Variants in GUCY1A2 observed in about 807,000 individuals in gnomAD.
GUCY1A2 encodes guanylate cyclase soluble subunit alpha-2.
GUCY1A2 carries 27 observed loss-of-function variants against 63.5 expected under a neutral mutation model. The ratio of observed to expected loss-of-function variants is 0.43; its 90% CI spans 0.31 to 0.59. The LOEUF (loss-of-function observed/expected upper bound fraction) is 0.59, where lower values mean the gene tolerates loss of function less well. GUCY1A2 is among the 20% of genes least tolerant of loss of function. The pLI, the probability that GUCY1A2 is intolerant of heterozygous loss-of-function variation, is 0.11. For synonymous variants in GUCY1A2, 364 were observed against 343.5 expected (o/e 1.06, Z -0.66); for missense variants, 768 against 913.3 (o/e 0.84, Z 2.05).
intron 3 of GUCY1A2, among the ~76,000 whole-genome samples, chr11:106,969,773 C>G (rs971445972): frequency 6.6e-6 from 1 of 152,038 alleles, no homozygotes; most frequent in East Asian, 1.9e-4. Flanking sequence ...GTAACAGAAG[C>G]AGTTGAGGGG....
chr11:106,728,345 A>C (rs980285153), intron 6 of GUCY1A2, among the ~76,000 whole-genome samples: 1 of 152,156 alleles, frequency 6.6e-6, no homozygotes, highest in Non-Finnish European at 1.5e-5. Flanking sequence ...CCTCTCTGCT[A>C]TCCCAGTTTC....
chr11:106,978,988 A>G (rs1005512090), intron 2 of GUCY1A2, among the ~76,000 whole-genome samples: 2 of 152,232 alleles, frequency 1.3e-5, no homozygotes, highest in Non-Finnish European at 2.9e-5. Flanking sequence ...AGAACAAAAA[A>G]TATATCAGCT....
intron 4 of GUCY1A2, among the ~76,000 whole-genome samples, chr11:106,854,205 T>A (rs894084004): frequency 1.3e-5 from 2 of 152,132 alleles, no homozygotes; most frequent in South Asian, 4.1e-4. Context: ...ACAGTGTGCA[T>A]AGCACTGGCA....
intron 3 of GUCY1A2, among the ~76,000 whole-genome samples, chr11:106,946,077 C>T (rs1297495591): frequency 6.6e-6 from 1 of 152,056 alleles, no homozygotes; most frequent in African/African-American, 2.4e-5. Context: ...CAGCAAACCA[C>T]AGGACTTGGA....
chr11:106,774,693 G>GT (rs1864324246), intron 6 of GUCY1A2, among the ~76,000 whole-genome samples: 1 of 151,904 alleles, frequency 6.6e-6, no homozygotes, highest in Non-Finnish European at 1.5e-5. Flanking sequence ...TCTCCGCCCT[G>GT]TCTCCCACAT....
At chr11:106,783,318 G>C (rs1481828815) in intron 5 of GUCY1A2, among the ~76,000 whole-genome samples, 1 of 152,198 alleles carries the variant, frequency 6.6e-6, no homozygotes, top group Non-Finnish European at 1.5e-5. Context: ...AAGGAGGTCA[G>C]CACATAGACA....
chr11:107,016,610 T>C (rs1861826614), intron 1 of GUCY1A2, among the ~76,000 whole-genome samples: 1 of 152,196 alleles, frequency 6.6e-6, no homozygotes, highest in Non-Finnish European at 1.5e-5. Context: ...TCCACAAATA[T>C]TTAGGAAGGG....
At chr11:106,910,773 TGA>T (rs1168254575) in intron 4 of GUCY1A2, among the ~76,000 whole-genome samples, 1 of 152,100 alleles carries the variant, frequency 6.6e-6, no homozygotes, top group Non-Finnish European at 1.5e-5. Flanking sequence ...CATCCCAATT[TGA>T]AACATTGGCT....
intron 6 of GUCY1A2, among the ~76,000 whole-genome samples, chr11:106,773,449 G>A (rs1317656208): frequency 6.6e-6 from 1 of 152,160 alleles, no homozygotes; most frequent in Non-Finnish European, 1.5e-5. Context: ...ATTTGAATTA[G>A]CTAGAGTTTG....
In GUCY1A2 at chr11:106,804,030, G is replaced by A. The variant is rs117151831; in HGVS notation, c.1692+5963C>T. ...TGTGACTTTCACCTTACTTCCTACA[G>A]CATATAAATGAGTTCTTTTCTATTC... On this transcript the variant is annotated intron_variant, in intron 5 of 7. Coordinates refer to ENST00000526355, the MANE Select transcript of GUCY1A2 (RefSeq NM_000855.3). Among the ~76,000 whole-genome samples the A allele has an allele frequency of 4.4e-3, 677 of 152,256 alleles. 1 individual carries two copies. Among genetic ancestry groups the A allele is most frequent in the Non-Finnish European group, 7.5e-3 (509 of 68,006 alleles).
At chr11:106,722,663 G>A (rs182865842) in intron 6 of GUCY1A2, among the ~76,000 whole-genome samples, 126 of 151,900 alleles carry the variant, frequency 8.3e-4, no homozygotes, top group Non-Finnish European at 1.3e-3. Flanking sequence ...ATTTATTTAC[G>A]ATTAGCCAGT....
intron 4 of GUCY1A2, among the ~76,000 whole-genome samples, chr11:106,884,375 A>G (rs1288799396): frequency 1.3e-5 from 2 of 152,158 alleles, no homozygotes; most frequent in Non-Finnish European, 2.9e-5. Flanking sequence ...AGACATTAGA[A>G]GAATAGAAGT....
At chr11:106,844,966 G>A (rs1479969740) in intron 4 of GUCY1A2, among the ~76,000 whole-genome samples, 1 of 151,620 alleles carries the variant, frequency 6.6e-6, no homozygotes, top group Non-Finnish European at 1.5e-5. Context: ...CTTCATTTGT[G>A]GAAAAGAATG....
intron 5 of GUCY1A2, among the ~76,000 whole-genome samples, chr11:106,805,492 C>G (rs899672021): frequency 6.6e-6 from 1 of 152,158 alleles, no homozygotes; most frequent in Non-Finnish European, 1.5e-5. Context: ...GTGATCCACC[C>G]ACCTCGGCCT....
chr11:106,903,459 A>G lies in GUCY1A2; in HGVS notation c.1206+36001T>C, dbSNP rs189276122. Among the ~76,000 whole-genome samples the G allele has an allele frequency of 2.6e-5, 4 of 152,328 alleles. No homozygotes were observed. In the East Asian group the frequency reaches 7.7e-4, roughly 29 times the overall value. On this transcript the variant is annotated intron_variant, in intron 4 of 7. Transcript: ENST00000526355. ...TTCCACCAAAACATAAAACCAAGACAACTAATAAACCCATAGAATTTACCT... is the reference window on the plus strand; with the variant it reads ...TTCCACCAAAACATAAAACCAAGACGACTAATAAACCCATAGAATTTACCT...
chr11:106,893,107 T>C (rs1859996999), intron 4 of GUCY1A2, among the ~76,000 whole-genome samples: 1 of 152,166 alleles, frequency 6.6e-6, no homozygotes, highest in Non-Finnish European at 1.5e-5. Flanking sequence ...AGGGGAGCTT[T>C]AAAGGTATCT....
At chr11:106,932,974 G>A (rs771009381) in intron 4 of GUCY1A2, among the ~76,000 whole-genome samples, 13 of 151,988 alleles carry the variant, frequency 8.6e-5, no homozygotes, top group Non-Finnish European at 1.6e-4. Context: ...AACTCAAGAT[G>A]GATTAAATAT....
chr11:106,941,978 G>A (rs1461021463), intron 3 of GUCY1A2, among the ~76,000 whole-genome samples: 1 of 152,130 alleles, frequency 6.6e-6, no homozygotes, highest in Non-Finnish European at 1.5e-5. Context: ...CACATTGCCA[G>A]GTTACAAGAC....
chr11:106,985,242 T>C lies in GUCY1A2; in HGVS notation c.365+828A>G, dbSNP rs1345948827. Among the ~76,000 whole-genome samples, 4 of 152,348 alleles carry C rather than the reference T, an allele frequency of 2.6e-5. No homozygotes were observed. The South Asian group carries it at 6.2e-4, about 24-fold the overall frequency. On this transcript the variant is annotated intron_variant, in intron 2 of 7. Coordinates refer to ENST00000526355, the MANE Select transcript of GUCY1A2 (RefSeq NM_000855.3). The stretch of plus-strand genomic sequence containing the variant: ...CTTACAAAGATAAATCACTGTACCA[T>C]ATAAAGAATACTAACAAGGTAAATT...
Sources: allele counts gnomAD v4.1 joint callset (sites outside exome capture counted in the v4.1 genomes callset), GRCh38; gene constraint gnomAD v4.1.1; transcripts MANE v1.5; gene names NCBI Gene and HGNC (gene_info 2026-07-23, HGNC 2026-07-21).